Variants in SPMIP2 observed in about 807,000 individuals in gnomAD.
The protein encoded by SPMIP2 is sperm microtubule inner protein 2, also known as protein SPMIP2.
the SPMIP2 span, among the ~76,000 whole-genome samples, chr4:158,898,323 T>C: frequency 1.6e-4 from 24 of 152,358 alleles, no homozygotes; most frequent in African/African-American, 5.5e-4. Context: ...CTATGCAGGC[T>C]CTTTTTTGGT....
the SPMIP2 span, among the ~76,000 whole-genome samples, chr4:158,919,960 G>A: frequency 1.3e-5 from 2 of 152,158 alleles, no homozygotes; most frequent in Non-Finnish European, 1.5e-5. Context: ...TGGAGGTGGG[G>A]CCTGGTGGGA....
the SPMIP2 span, among the ~76,000 whole-genome samples, chr4:158,955,611 G>C: frequency 6.6e-6 from 1 of 152,062 alleles, no homozygotes. Flanking sequence ...TCACTACTTT[G>C]GCCAGGCTAG....
the SPMIP2 span, among the ~76,000 whole-genome samples, chr4:159,016,716 CA>C: frequency 6.6e-6 from 1 of 152,178 alleles, no homozygotes; most frequent in Non-Finnish European, 1.5e-5. Flanking sequence ...ACTGGGCTTT[CA>C]ATTTCGCTTT....
chr4:159,027,890 G>C, the SPMIP2 span, among the ~76,000 whole-genome samples: 10 of 152,160 alleles, frequency 6.6e-5, no homozygotes, highest in African/African-American at 2.2e-4. Context: ...ATTTCCTAGA[G>C]AGTATTTCCA....
At chr4:158,895,144 A>G in the SPMIP2 span, among the ~76,000 whole-genome samples, 1 of 152,206 alleles carries the variant, frequency 6.6e-6, no homozygotes, top group Admixed American at 6.5e-5. Context: ...TGTCCTGAAA[A>G]TAATTGCCTT....
At chr4:158,984,960 G>T in the SPMIP2 span, among the ~76,000 whole-genome samples, 7 of 151,980 alleles carry the variant, frequency 4.6e-5, no homozygotes, top group Admixed American at 6.6e-5. Context: ...TATCACCACC[G>T]ATCCCATAGA....
the SPMIP2 span, among the ~76,000 whole-genome samples, chr4:158,956,429 G>T: frequency 2.0e-5 from 3 of 152,238 alleles, no homozygotes; most frequent in Non-Finnish European, 2.9e-5. Context: ...TGGGCATGAT[G>T]GTGCATGCCT....
At chr4:158,992,187 C>T in the SPMIP2 span, among the ~76,000 whole-genome samples, 10 of 152,266 alleles carry the variant, frequency 6.6e-5, no homozygotes, top group Non-Finnish European at 1.3e-4. Context: ...TGTGTCCAGA[C>T]TCAGACCAGT....
chr4:159,041,549 G>A, the SPMIP2 span, among the ~76,000 whole-genome samples: 1 of 152,142 alleles, frequency 6.6e-6, no homozygotes, highest in South Asian at 2.1e-4. Flanking sequence ...AGGTACCAGG[G>A]TAGTTGAAAA....
At chr4:159,030,885 G>A in the SPMIP2 span, among the ~76,000 whole-genome samples, 5 of 152,092 alleles carry the variant, frequency 3.3e-5, no homozygotes, top group South Asian at 2.1e-4. Context: ...GAATTGCTGC[G>A]AAATTCCTCA....
the SPMIP2 span, among the ~76,000 whole-genome samples, chr4:158,950,822 G>A: frequency 2.0e-5 from 3 of 152,176 alleles, no homozygotes; most frequent in Admixed American, 6.5e-5. Flanking sequence ...GAACCTTGGA[G>A]GCAGAGGTTT....
At chr4:158,949,563 T>TTA in the SPMIP2 span, among the ~76,000 whole-genome samples, 116,925 of 152,006 alleles carry the variant, frequency 0.77, 45,382 homozygotes, top group East Asian at 0.95. Context: ...TTGTACTTCA[T>TTA]GTGCTTCATG....
the SPMIP2 span, among the ~76,000 whole-genome samples, chr4:159,074,491 C>T: frequency 1.3e-5 from 2 of 152,104 alleles, no homozygotes; most frequent in African/African-American, 4.8e-5. Flanking sequence ...ATCAGTTATT[C>T]ATTCAAGAAG....
chr4:159,021,048 A>C, the SPMIP2 span, among the ~76,000 whole-genome samples: 2 of 152,234 alleles, frequency 1.3e-5, no homozygotes, highest in Non-Finnish European at 2.9e-5. Context: ...GGCGTGAGCC[A>C]CCGCACCCGG....
chr4:158,964,184 AAAC>A, the SPMIP2 span, among the ~76,000 whole-genome samples: 2 of 37,934 alleles, frequency 5.3e-5, no homozygotes, highest in African/African-American at 1.1e-4. Context: ...AAACAAAACA[AAAC>A]AAAAAACATG....
At chr4:158,942,543 C>A in the SPMIP2 span, among the ~76,000 whole-genome samples, 2 of 152,106 alleles carry the variant, frequency 1.3e-5, no homozygotes, top group Admixed American at 1.3e-4. Flanking sequence ...CCAAGGCAGG[C>A]GGATCACTTG....
chr4:159,014,624 A>G, the SPMIP2 span, among the ~76,000 whole-genome samples: 1 of 152,170 alleles, frequency 6.6e-6, no homozygotes, highest in Non-Finnish European at 1.5e-5. Flanking sequence ...ATGTGCTGTC[A>G]GTCTCTCAGC....
the SPMIP2 span, among the ~76,000 whole-genome samples, chr4:158,980,612 C>T: frequency 6.6e-6 from 1 of 152,190 alleles, no homozygotes; most frequent in African/African-American, 2.4e-5. Context: ...AGCAGAGAGG[C>T]CTGACTGTTA....
chr4:158,951,857 C>G, the SPMIP2 span, among the ~76,000 whole-genome samples: 2 of 152,112 alleles, frequency 1.3e-5, no homozygotes, highest in East Asian at 3.9e-4. Flanking sequence ...ATTTCAGAAC[C>G]TTGAGTAGTT....
Sources: gnomAD v4.1 joint callset for allele counts (sites outside exome capture counted in the v4.1 genomes callset) on GRCh38, gnomAD v4.1.1 for gene constraint, MANE v1.5 for transcripts, NCBI Gene and HGNC (gene_info 2026-07-23, HGNC 2026-07-21) for gene names.